RFXAP: variants seen among roughly 807,000 people sequenced by gnomAD.
RFXAP encodes regulatory factor X-associated protein.
A neutral mutation model predicts 25.7 loss-of-function variants in RFXAP; 21 were observed. The observed-to-expected ratio is 0.82, with a 90% CI of 0.58 to 1.18. RFXAP has a LOEUF of 1.18. RFXAP is among the 50% of genes most tolerant of loss of function. The pLI is 0.00. For synonymous variants in RFXAP, 161 were observed against 152.2 expected (o/e 1.06, Z -0.43); for missense variants, 333 against 363.0 (o/e 0.92, Z 0.67).
intron 2 of RFXAP, among the ~76,000 whole-genome samples, chr13:36,826,397 A>G (rs2057977997): frequency 6.6e-6 from 1 of 152,186 alleles, no homozygotes; most frequent in South Asian, 2.1e-4. Flanking sequence ...AAAAGTGAAA[A>G]TTATTTAAAC....
At chr13:36,825,242 A>G (rs1278732909) in intron 1 of RFXAP, among the ~76,000 whole-genome samples, 186 bp from the exon 2 acceptor site, 1 of 152,176 alleles carries the variant, frequency 6.6e-6, no homozygotes, top group Non-Finnish European at 1.5e-5. Context: ...GCGAGGAGGA[A>G]TGTTACATTA....
chr13:36,825,672 T>TA (rs1366692402), intron 2 of RFXAP, 137 bp downstream of exon 2: 2 of 560,082 alleles, frequency 3.6e-6, no homozygotes, highest in Admixed American at 3.4e-5. Flanking sequence ...GTCAAAATTT[T>TA]AAAAAAAGAA....
rs2057954050 is a variant in RFXAP, at chr13:36,819,488, T to A, written c.131T>A (p.Phe44Tyr). ...PASVAAAASQ[F>Y]TLLVMQPCAG... ...TCGGTGGCGGCCGCGGCCTCTCAAT[T>A]CACCCTGCTAGTGATGCAACCCTGT... The change falls in exon 1 of 3, where the codon TTC (phenylalanine) becomes TAC (tyrosine). Residue 44 changes from phenylalanine to tyrosine, a missense_variant. By Grantham distance (22) the Phe-to-Tyr change is conservative. Transcript: ENST00000255476. 1 of 1,543,396 alleles carries A rather than the reference T, an allele frequency of 6.5e-7. No individual in the cohort carries two copies.
In RFXAP at chr13:36,828,992, T is replaced by C. The variant is rs1368839152; in HGVS notation, c.*1239T>C. 2 of 152,604 alleles carry C rather than the reference T, an allele frequency of 1.3e-5. No individual in the cohort carries two copies. Among genetic ancestry groups the C allele is most frequent in the East Asian group, 1.9e-4 (1 of 5,202 alleles). The allele number at this position is 152,604 out of a possible 1,614,324, so 9.5% of individuals were successfully genotyped here. ...TCATGGCTGTTCTAAGAAGTACTTA[T>C]GGAGAGCAAGAACGTTTTTGTTCAT... On this transcript the variant is annotated 3_prime_UTR_variant, in exon 3 of 3. Transcript: ENST00000255476.
At chr13:36,826,918 G>A (rs2138218415) in intron 2 of RFXAP, among the ~76,000 whole-genome samples, 1 of 152,224 alleles carries the variant, frequency 6.6e-6, no homozygotes, top group Non-Finnish European at 1.5e-5. Flanking sequence ...TTGAGCCGAG[G>A]AGTTCAAGAC....
At chr13:36,820,108 A>G (rs2057957309) in intron 1 of RFXAP, 151 bp downstream of exon 1, 2 of 1,185,120 alleles carry the variant, frequency 1.7e-6, no homozygotes, top group Non-Finnish European at 2.4e-6. Flanking sequence ...TGTTTGCCCT[A>G]AATTAAAGTT....
intron 1 of RFXAP, among the ~76,000 whole-genome samples, chr13:36,821,556 G>C (rs1369192310): frequency 6.6e-6 from 1 of 152,076 alleles, no homozygotes; most frequent in Non-Finnish European, 1.5e-5. Flanking sequence ...CTAGCTACTC[G>C]GGAGGCTGAG....
At chr13:36,825,307 A>G in intron 1 of RFXAP, 121 bp from the exon 2 acceptor site, 1 of 754,862 alleles carries the variant, frequency 1.3e-6, no homozygotes, top group Non-Finnish European at 2.3e-6. Context: ...AGAGTTGCCC[A>G]GAGACTGGGC....
chr13:36,819,912 C>T lies in RFXAP; in HGVS notation c.555C>T (p.Cys185=). The T allele has an allele frequency of 1.9e-6, 3 of 1,613,770 alleles. No homozygotes were observed. Among genetic ancestry groups the T allele is most frequent in the African/African-American group, 1.3e-5 (1 of 75,022 alleles). Residue 185 remains cysteine (C), a synonymous_variant, in exon 1 of 3, where the codon TGC becomes TGT. Coordinates refer to ENST00000255476, the MANE Select transcript of RFXAP (RefSeq NM_000538.4). ...AGAAGAGCGACCAGGCCCTGAACTG[C>T]GGTGGGACTGCCTCGACTGGCAGCG... ...KKKKSDQALN[C]GGTASTGSAG...
chr13:36,827,637 T>C lies in RFXAP; in HGVS notation c.709-6T>C. On this transcript the variant is annotated splice_polypyrimidine_tract_variant and splice_region_variant and intron_variant, in intron 2 of 2. Transcript: ENST00000255476. ...CTATTAATAATTTTTTTCTTTTCTT[T>C]CTAAGTCGTTACTAAGAAGTCCAGA... The C allele has an allele frequency of 4.4e-6, 7 of 1,608,370 alleles. No homozygotes were observed. Among genetic ancestry groups the C allele is most frequent in the East Asian group, 2.2e-5 (1 of 44,762 alleles).
chr13:36,825,772 A>C (rs1019390093), intron 2 of RFXAP, among the ~76,000 whole-genome samples: 8 of 152,214 alleles, frequency 5.3e-5, no homozygotes, highest in Admixed American at 1.3e-4. Context: ...GACTACATAA[A>C]AATGAATGCT....
intron 1 of RFXAP, among the ~76,000 whole-genome samples, chr13:36,820,582 C>T (rs1032557181): frequency 1.3e-5 from 2 of 152,168 alleles, no homozygotes; most frequent in African/African-American, 4.8e-5. Flanking sequence ...TACCCCAATA[C>T]TTAATATACT....
chr13:36,820,688 G>A (rs2057959148), intron 1 of RFXAP, among the ~76,000 whole-genome samples: 1 of 152,190 alleles, frequency 6.6e-6, no homozygotes, highest in African/African-American at 2.4e-5. Context: ...TGGGGTATAA[G>A]TCTCAAAAAA....
intron 2 of RFXAP, among the ~76,000 whole-genome samples, chr13:36,826,894 G>A (rs1436242449): frequency 6.6e-6 from 1 of 152,070 alleles, no homozygotes; most frequent in Non-Finnish European, 1.5e-5. Flanking sequence ...AGGAGACTGT[G>A]GCAGGATGAT....
chr13:36,819,654 G>T lies in RFXAP; in HGVS notation c.297G>T (p.Pro99=). The T allele has an allele frequency of 6.5e-7, 1 of 1,548,592 alleles. No homozygotes were observed. Among genetic ancestry groups the T allele is most frequent in the Non-Finnish European group, 8.7e-7 (1 of 1,144,892 alleles). Residue 99 remains proline, a synonymous_variant, in exon 1 of 3, where the codon CCG becomes CCT. Coordinates refer to ENST00000255476, the MANE Select transcript of RFXAP (RefSeq NM_000538.4). ...EADLLDTSDP[P]GGGESAASLE... ...ACCTGTTAGACACTTCGGACCCTCC[G>T]GGGGGAGGCGAGAGCGCGGCTAGTT...
intron 2 of RFXAP, among the ~76,000 whole-genome samples, chr13:36,826,839 T>C (rs1248803370): frequency 6.6e-6 from 1 of 152,154 alleles, no homozygotes; most frequent in Non-Finnish European, 1.5e-5. Flanking sequence ...AAAGATTTTT[T>C]TCTCTATAAA....
intron 1 of RFXAP, among the ~76,000 whole-genome samples, chr13:36,822,817 G>T (rs1255620447): frequency 6.6e-6 from 1 of 152,196 alleles, no homozygotes; most frequent in East Asian, 1.9e-4. Flanking sequence ...TTCTGAGGAG[G>T]TAACAAGATC....
chr13:36,821,235 AAAAAAAAT>A lies in RFXAP; in HGVS notation c.600+1279_600+1286del, dbSNP rs1245193747. The stretch of plus-strand genomic sequence containing the variant: ...TCCTTAAAAAAAAAAAAAAAAAAAA[AAAAAAAAT>A]TTTTTTTAACTGCAAGCTGTCTTAG... On this transcript the variant is annotated intron_variant, in intron 1 of 2. Transcript: ENST00000255476. 1.0e-4 allele frequency among the ~76,000 whole-genome samples: 14 copies of A among 138,486 alleles called. No individual in the cohort carries two copies. In the South Asian group the frequency reaches 1.4e-3, roughly 14 times the overall value. The allele number at this position is 138,486 out of a possible 152,430, so 90.9% of individuals were successfully genotyped here.
chr13:36,826,668 C>G lies in RFXAP; in HGVS notation c.709-975C>G, dbSNP rs190065873. On this transcript the variant is annotated intron_variant, in intron 2 of 2. Transcript: ENST00000255476. Reference sequence around the variant, plus strand: ...TAGTAAAAAAGGTAGTTGAAACAGCCTAAATGTCCAACAGTGTCATAACAG... The same window carrying G: ...TAGTAAAAAAGGTAGTTGAAACAGCGTAAATGTCCAACAGTGTCATAACAG... Among the ~76,000 whole-genome samples the G allele has an allele frequency of 3.5e-3, 532 of 152,112 alleles. 4 individuals are homozygous for G. The highest frequency in any genetic ancestry group is 6.8e-3 in the Non-Finnish European group (459 of 67,974).
Sources: gnomAD v4.1 joint callset for allele counts (sites outside exome capture counted in the v4.1 genomes callset) on GRCh38, gnomAD v4.1.1 for gene constraint, MANE v1.5 for transcripts, NCBI Gene and HGNC (gene_info 2026-07-23, HGNC 2026-07-21) for gene names.